Variants in BABAM2 observed in about 807,000 individuals in gnomAD.
BABAM2 encodes BRISC and BRCA1-A complex member 2.
BABAM2 carries 31 observed loss-of-function variants against 54.7 expected under a neutral mutation model. That is an observed-to-expected ratio of 0.57 (90% confidence interval 0.43 to 0.77). BABAM2 has a LOEUF of 0.77. Ranked by LOEUF, BABAM2 falls within the 30% of genes least tolerant of loss-of-function variation. The pLI, the probability that BABAM2 is intolerant of heterozygous loss-of-function variation, is 0.00. For missense variants in BABAM2, 364 were observed against 455.8 expected (o/e 0.80, Z 1.83); for synonymous variants, 167 against 162.9 (o/e 1.03, Z -0.19).
intron 11 of BABAM2, chr2:28,310,245 A>G: frequency 1.6e-6 from 2 of 1,284,142 alleles, no homozygotes; most frequent in South Asian, 1.3e-5. Flanking sequence ...ATTACTGCCA[A>G]TACAGCCCTC....
chr2:27,981,163 C>G (rs1020686154), intron 3 of BABAM2, among the ~76,000 whole-genome samples: 1 of 152,008 alleles, frequency 6.6e-6, no homozygotes, highest in African/African-American at 2.4e-5. Context: ...GCATTCTTTA[C>G]TTTTATAAAG....
rs1664777071 is a variant in BABAM2, at chr2:27,890,957, C to T, written c.-25+115C>T. The T allele has an allele frequency of 6.6e-6, 1 of 152,542 alleles. No homozygotes were observed. The highest frequency in any genetic ancestry group is 2.4e-5 in the African/African-American group (1 of 41,396). 9.4% of individuals were successfully genotyped at this position (152,542 alleles called of 1,614,324 possible). A position where few individuals can be genotyped will look rare whatever the true frequency, so the allele number is the denominator to read the frequency against. Reference sequence around the variant, plus strand: ...CGCCTCCTCTTCCTATGGAGAAGGCCCCCGTTCCAAAGATGCCCTTCTCAT... The same window carrying T: ...CGCCTCCTCTTCCTATGGAGAAGGCTCCCGTTCCAAAGATGCCCTTCTCAT... On this transcript the variant is annotated intron_variant, in intron 1 of 11. Transcript: ENST00000379624. The surrounding 1 kb of genome is among the most constrained non-coding windows in gnomAD (Gnocchi z 4.8).
intron 11 of BABAM2, among the ~76,000 whole-genome samples, chr2:28,337,880 G>C (rs1691608190): frequency 6.6e-6 from 1 of 152,176 alleles, no homozygotes; most frequent in African/African-American, 2.4e-5. Context: ...CTAACTACTT[G>C]GGTGGCTGAG....
chr2:28,306,219 A>G (rs950231870), intron 11 of BABAM2, among the ~76,000 whole-genome samples: 2 of 152,212 alleles, frequency 1.3e-5, no homozygotes, highest in African/African-American at 2.4e-5. Flanking sequence ...ATAGTGTTCT[A>G]TATATACATT....
In BABAM2 at chr2:28,137,823, T is replaced by C. The variant is rs143028035; in HGVS notation, c.680+8443T>C. 4.8e-3 allele frequency among the ~76,000 whole-genome samples: 725 copies of C among 152,348 alleles called. 5 individuals are homozygous for C. The highest frequency in any genetic ancestry group is 0.016 in the African/African-American group (674 of 41,574). ...TTAAACTTGTTTGACCCTTAAGTTC[T>C]GTCTTAAATTTATTTTGAGTCTTGG... On this transcript the variant is annotated intron_variant, in intron 7 of 11. Coordinates refer to ENST00000379624, the MANE Select transcript of BABAM2 (RefSeq NM_199191.3).
chr2:27,938,763 T>C (rs1382237555), intron 3 of BABAM2, among the ~76,000 whole-genome samples: 1 of 152,126 alleles, frequency 6.6e-6, no homozygotes, highest in Non-Finnish European at 1.5e-5. Flanking sequence ...TGAGTAAGTA[T>C]AGATTTAAAT....
intron 6 of BABAM2, among the ~76,000 whole-genome samples, chr2:28,095,848 A>G (rs1343393413): frequency 6.6e-6 from 1 of 152,194 alleles, no homozygotes; most frequent in Non-Finnish European, 1.5e-5. Flanking sequence ...GGTGAAGAAG[A>G]GAACCAACAA....
intron 7 of BABAM2, among the ~76,000 whole-genome samples, chr2:28,147,313 G>A (rs1469596304): frequency 6.6e-6 from 1 of 152,026 alleles, no homozygotes; most frequent in Non-Finnish European, 1.5e-5. Context: ...TACATCATTT[G>A]CTTAAGTTCA....
chr2:28,119,227 G>A (rs947642877), intron 6 of BABAM2, among the ~76,000 whole-genome samples: 6 of 152,138 alleles, frequency 3.9e-5, no homozygotes, highest in Non-Finnish European at 4.4e-5. Flanking sequence ...TAAGCCCAGA[G>A]GAAGCTTATC....
chr2:27,906,017 A>C (rs967717350), intron 2 of BABAM2, among the ~76,000 whole-genome samples: 4 of 152,214 alleles, frequency 2.6e-5, no homozygotes, highest in African/African-American at 9.6e-5. Flanking sequence ...TCTTGAGCGG[A>C]TACATGCAAC....
intron 7 of BABAM2, among the ~76,000 whole-genome samples, chr2:28,167,529 A>C (rs1673816793): frequency 6.6e-6 from 1 of 151,944 alleles, no homozygotes; most frequent in Non-Finnish European, 1.5e-5. Context: ...CCCCGTCTCT[A>C]CCAAAAATAC....
intron 10 of BABAM2, among the ~76,000 whole-genome samples, chr2:28,279,247 G>A (rs1012464593): frequency 6.6e-5 from 10 of 152,108 alleles, no homozygotes; most frequent in Admixed American, 1.3e-4. Flanking sequence ...GTGAATAGGC[G>A]GCTTGGGAGG....
intron 7 of BABAM2, among the ~76,000 whole-genome samples, chr2:28,222,793 G>C (rs531524787): frequency 6.2e-4 from 94 of 152,294 alleles, no homozygotes; most frequent in Middle Eastern, 3.4e-3. Context: ...CCTTTCTGTT[G>C]TGTCTTGTGT....
In BABAM2 at chr2:28,248,207, C is replaced by CTTTTTCTTTTTTTTTTTTTTTTTTT. The variant is rs1553349503; in HGVS notation, c.934+3350_934+3351insCTTTTTTTTTTTTTTTTTTTTTTTT. On this transcript the variant is annotated intron_variant, in intron 10 of 11. Coordinates refer to ENST00000379624, the MANE Select transcript of BABAM2 (RefSeq NM_199191.3). ...AGTAGCTTTTGTTTATTTTCTTTTTCTTTTTTTTTTTTTTTTTTTGAGACG... is the reference window on the plus strand; with the variant it reads ...AGTAGCTTTTGTTTATTTTCTTTTTCTTTTTCTTTTTTTTTTTTTTTTTTTTTTTTTTTTTTTTTTTTTTGAGACG... Among the ~76,000 whole-genome samples, 106 of 54,282 alleles carry CTTTTTCTTTTTTTTTTTTTTTTTTT rather than the reference C, an allele frequency of 2.0e-3. 8 individuals are homozygous for CTTTTTCTTTTTTTTTTTTTTTTTTT. The highest frequency in any genetic ancestry group is 2.5e-3 in the Non-Finnish European group (68 of 27,142). 35.6% of individuals were successfully genotyped at this position (54,282 alleles called of 152,430 possible).
intron 6 of BABAM2, among the ~76,000 whole-genome samples, chr2:28,077,447 A>G (rs1506534): frequency 0.15 from 23,463 of 152,152 alleles, 2,717 homozygotes; most frequent in African/African-American, 0.33. Context: ...GGTAGTGTAC[A>G]GAGGAGCTGT....
intron 3 of BABAM2, among the ~76,000 whole-genome samples, chr2:27,965,790 G>A (rs780858994): frequency 2.0e-5 from 3 of 152,036 alleles, no homozygotes; most frequent in Non-Finnish European, 2.9e-5. Flanking sequence ...TCTCTTATTT[G>A]CAGTTATCTT....
chr2:28,299,524 C>G (rs755217485), intron 11 of BABAM2, among the ~76,000 whole-genome samples: 4 of 152,144 alleles, frequency 2.6e-5, no homozygotes, highest in Non-Finnish European at 5.9e-5. Flanking sequence ...ATGATCAGAT[C>G]CAAAGTATCA....
Position 28,173,512 on chromosome 2 carries a change from C to A in BABAM2, c.680+44132C>A, listed in dbSNP as rs1224629749. The stretch of plus-strand genomic sequence containing the variant: ...ACGGTTTAGAGCACTGGGAGGTGTA[C>A]TTGTAGTCATTAAAAAGCAACTGCA... On this transcript the variant is annotated intron_variant, in intron 7 of 11. Transcript: ENST00000379624. 2.0e-5 allele frequency among the ~76,000 whole-genome samples: 3 copies of A among 152,054 alleles called. No individual in the cohort carries two copies. In the East Asian group the frequency reaches 5.8e-4, roughly 29 times the overall value.
chr2:28,338,023 C>G (rs1354742101), intron 11 of BABAM2, among the ~76,000 whole-genome samples: 1 of 152,190 alleles, frequency 6.6e-6, no homozygotes, highest in Non-Finnish European at 1.5e-5. Flanking sequence ...TTATTAGACC[C>G]TCTTTGTCTT....
Sources: gnomAD v4.1 joint callset for allele counts (sites outside exome capture counted in the v4.1 genomes callset) on GRCh38, gnomAD v4.1.1 for gene constraint, Gnocchi (gnomAD v3.1) non-coding constraint, MANE v1.5 for transcripts, NCBI Gene and HGNC (gene_info 2026-07-23, HGNC 2026-07-21) for gene names.